Variants in CLVS1 observed in about 807,000 individuals in gnomAD.
CLVS1 encodes the protein clavesin-1.
Under a neutral mutation model 33.1 loss-of-function variants are expected in CLVS1, and 10 were observed. The ratio of observed to expected loss-of-function variants is 0.30; its 90% CI spans 0.19 to 0.51. The LOEUF (loss-of-function observed/expected upper bound fraction) is 0.51, where lower values mean the gene tolerates loss of function less well. Ranked by LOEUF, CLVS1 falls within the 20% of genes least tolerant of loss-of-function variation. CLVS1 has a pLI of 0.97. For missense variants in CLVS1, 343 were observed against 433.4 expected, an observed-to-expected ratio of 0.79 and a Z score of 1.85; for synonymous variants, 163 against 166.1, an observed-to-expected ratio of 0.98 and a Z score of 0.14.
At chr8:61,107,357 T>C (rs1158168796) in intron 1 of CLVS1, among the ~76,000 whole-genome samples, 1 of 152,222 alleles carries the variant, frequency 6.6e-6, no homozygotes, top group Admixed American at 6.5e-5. Flanking sequence ...AGAAATTTAC[T>C]GCTCACAGTT....
intron 1 of CLVS1, among the ~76,000 whole-genome samples, chr8:61,114,361 C>A (rs73257907): frequency 0.023 from 3,546 of 152,264 alleles, 147 homozygotes; most frequent in African/African-American, 0.082. Flanking sequence ...GCATCATCTA[C>A]AGCAAATTGC....
At chr8:61,228,014 G>C (rs190926307) in intron 2 of CLVS1, among the ~76,000 whole-genome samples, 24 of 152,262 alleles carry the variant, frequency 1.6e-4, no homozygotes, top group African/African-American at 5.8e-4. Flanking sequence ...GACAAAAAAC[G>C]AGTGCCCTTA....
chr8:61,475,654 T>C (rs1586027623), intron 5 of CLVS1, among the ~76,000 whole-genome samples: 1 of 152,238 alleles, frequency 6.6e-6, no homozygotes, highest in East Asian at 1.9e-4. Flanking sequence ...TTTGTTTTTT[T>C]CTTGTAAATT....
intron 2 of CLVS1, among the ~76,000 whole-genome samples, chr8:61,304,400 T>A (rs766687957): frequency 6.6e-6 from 1 of 152,214 alleles, no homozygotes; most frequent in Non-Finnish European, 1.5e-5. Context: ...GCATTGGACC[T>A]CAGCAGAGAG....
chr8:61,204,636 T>C (rs534388035), intron 2 of CLVS1, among the ~76,000 whole-genome samples: 7 of 152,308 alleles, frequency 4.6e-5, no homozygotes, highest in Admixed American at 3.9e-4. Flanking sequence ...AAGAATTTCA[T>C]AGAACAAAAT....
intron 2 of CLVS1, among the ~76,000 whole-genome samples, chr8:61,198,269 A>G (rs2931322): frequency 0.36 from 54,571 of 152,146 alleles, 11,977 homozygotes; most frequent in Middle Eastern, 0.57. Flanking sequence ...TTAAATTTCA[A>G]TAGCTTTAGG....
chr8:61,016,574 C>T, the CLVS1 span, among the ~76,000 whole-genome samples: 1 of 152,226 alleles, frequency 6.6e-6, no homozygotes, highest in Non-Finnish European at 1.5e-5. Context: ...TGTCTAATTC[C>T]CTGAGCAGCT....
At chr8:60,984,461 G>A in the CLVS1 span, among the ~76,000 whole-genome samples, 1 of 151,814 alleles carries the variant, frequency 6.6e-6, no homozygotes, top group Non-Finnish European at 1.5e-5. Context: ...GCTGAGATCT[G>A]AGATTACAGG....
intron 5 of CLVS1, among the ~76,000 whole-genome samples, chr8:61,492,887 C>G (rs1804142327): frequency 6.6e-6 from 1 of 152,108 alleles, no homozygotes; most frequent in Admixed American, 6.6e-5. Flanking sequence ...ATTTTGCCTG[C>G]TAGGATGATT....
At chr8:61,473,180 A>G (rs778389396) in intron 5 of CLVS1, among the ~76,000 whole-genome samples, 4 of 152,002 alleles carry the variant, frequency 2.6e-5, no homozygotes, top group African/African-American at 7.2e-5. Flanking sequence ...AAAGGGAGGC[A>G]TGGGGGTGGG....
chr8:61,119,675 G>T (rs1336353319), intron 1 of CLVS1, among the ~76,000 whole-genome samples: 2 of 144,164 alleles, frequency 1.4e-5, no homozygotes, highest in Non-Finnish European at 3.0e-5. Context: ...GAAAATTCTT[G>T]TCTTTAAGAA....
chr8:61,303,797 G>GAATGA (rs1396476867), intron 2 of CLVS1, among the ~76,000 whole-genome samples: 4 of 152,294 alleles, frequency 2.6e-5, no homozygotes, highest in African/African-American at 9.6e-5. Context: ...TGGGAGGATT[G>GAATGA]AATGACATAA....
intron 1 of CLVS1, among the ~76,000 whole-genome samples, chr8:61,097,613 T>C (rs765623928): frequency 6.6e-6 from 1 of 152,236 alleles, no homozygotes; most frequent in Non-Finnish European, 1.5e-5. Flanking sequence ...AAGGAGGCTG[T>C]GTCTGGCTTT....
chr8:61,108,652 A>G (rs571195598), intron 1 of CLVS1, among the ~76,000 whole-genome samples: 39 of 152,326 alleles, frequency 2.6e-4, no homozygotes, highest in African/African-American at 9.4e-4. Context: ...AAATATGAAT[A>G]CTAATCCAAG....
Position 61,074,399 on chromosome 8 carries a change from T to TTATATATATATA in CLVS1, c.-243+17170_-243+17181dup, listed in dbSNP as rs796909464. Among the ~76,000 whole-genome samples, 3 of 55,576 alleles carry TTATATATATATA rather than the reference T, an allele frequency of 5.4e-5. No homozygotes were observed. The African/African-American group carries it at 7.0e-4, about 13-fold the overall frequency. The allele number at this position is 55,576 out of a possible 152,430, so 36.5% of individuals were successfully genotyped here. A position where few individuals can be genotyped will look rare whatever the true frequency, so the allele number is the denominator to read the frequency against. On this transcript the variant is annotated intron_variant, in intron 1 of 2. Transcript: ENST00000522621. Reference sequence around the variant, plus strand: ...ATAAGTATATGTGTATATATATATGTTATATATATATAAGTATATGTGTAT... The same window carrying TTATATATATATA: ...ATAAGTATATGTGTATATATATATGTTATATATATATATATATATATATAAGTATATGTGTAT...
At chr8:61,209,737 G>A (rs1585690593) in intron 2 of CLVS1, among the ~76,000 whole-genome samples, 1 of 152,216 alleles carries the variant, frequency 6.6e-6, no homozygotes, top group Non-Finnish European at 1.5e-5. Context: ...CAATGCCTGT[G>A]ATGTCTCAGA....
intron 2 of CLVS1, among the ~76,000 whole-genome samples, chr8:61,142,756 G>C (rs892388704): frequency 2.6e-5 from 4 of 152,162 alleles, no homozygotes; most frequent in Admixed American, 6.5e-5. Flanking sequence ...AGGGGAGGAG[G>C]GGGAAACAGA....
chr8:61,046,419 G>A, the CLVS1 span, among the ~76,000 whole-genome samples: 1 of 146,808 alleles, frequency 6.8e-6, no homozygotes, highest in Non-Finnish European at 1.5e-5. Context: ...AAGTCAGGTA[G>A]TGTGATGCCT....
Position 61,413,027 on chromosome 8 carries a change from G to T in CLVS1, c.630+36248G>T, listed in dbSNP as rs528381562. Among the ~76,000 whole-genome samples, 11 of 152,154 alleles carry T rather than the reference G, an allele frequency of 7.2e-5. No homozygotes were observed. The South Asian group carries it at 2.3e-3, about 32-fold the overall frequency. ...TGTTTAGAAGCTTTGGTGCATTTTT[G>T]GATTTAATATTTTGATTTAATCTAT... On this transcript the variant is annotated intron_variant, in intron 3 of 5. Transcript: ENST00000325897.
Sources: gnomAD v4.1 joint callset for allele counts (sites outside exome capture counted in the v4.1 genomes callset) on GRCh38, gnomAD v4.1.1 for gene constraint, MANE v1.5 for transcripts, NCBI Gene and HGNC (gene_info 2026-07-23, HGNC 2026-07-21) for gene names.